The following ZFP90 variants were observed in gnomAD, a reference collection of about 807,000 sequenced individuals.
The protein encoded by ZFP90 is zinc finger protein 90 homolog.
Under a neutral mutation model 60.8 loss-of-function variants are expected in ZFP90, and 38 were observed. The observed-to-expected ratio is 0.62, with a 90% CI of 0.48 to 0.82. ZFP90 has a LOEUF of 0.82. Among genes scored for constraint, ZFP90 ranks in the 40% least tolerant of loss-of-function variants. The probability of loss-of-function intolerance (pLI) is 0.00; values close to 1 mark genes in which losing one functional copy is unlikely to be tolerated. For missense variants in ZFP90, 711 were observed against 759.1 expected (o/e 0.94, Z 0.74); for synonymous variants, 287 against 264.8 (o/e 1.08, Z -0.82).
At chr16:68,538,792 G>T (rs1027049879), upstream of ZFP90, among the ~76,000 whole-genome samples, 1 of 151,994 alleles carries the variant, frequency 6.6e-6, no homozygotes, top group Non-Finnish European at 1.5e-5. Context: ...GAAATAACAC[G>T]GCAGTAGATC....
intron 2 of ZFP90, among the ~76,000 whole-genome samples, chr16:68,540,219 T>A (rs565553792): frequency 2.0e-5 from 3 of 152,258 alleles, no homozygotes; most frequent in East Asian, 3.9e-4. Flanking sequence ...CCCCAGCTTC[T>A]GACCCAGGGC....
At chr16:68,538,444 C>T (rs1749791), upstream of ZFP90, among the ~76,000 whole-genome samples, 116,605 of 152,144 alleles carry the variant, frequency 0.77, 44,779 homozygotes, top group East Asian at 0.82. Context: ...TCCATCGGGC[C>T]GGGCGCGGTT....
At chr16:68,533,508 GA>G (rs1477006731) in intron 1 of ZFP90, among the ~76,000 whole-genome samples, 2 of 152,072 alleles carry the variant, frequency 1.3e-5, no homozygotes, top group Non-Finnish European at 2.9e-5. Context: ...GTCTATATAT[GA>G]CTGCATGTGG....
chr16:68,539,114 C>T (rs1286858724), upstream of ZFP90: 1 of 152,268 alleles, frequency 6.6e-6, no homozygotes, highest in African/African-American at 2.4e-5. Context: ...GACTGGAATA[C>T]AGGGACACGC....
chr16:68,569,702 A>G (rs972542852), downstream of ZFP90, among the ~76,000 whole-genome samples: 5 of 152,088 alleles, frequency 3.3e-5, no homozygotes, highest in African/African-American at 1.2e-4. Context: ...GGAGTTCGAG[A>G]CCAGTCTGGG....
intron 2 of ZFP90, among the ~76,000 whole-genome samples, chr16:68,544,590 G>C (rs2091111629): frequency 1.3e-5 from 2 of 152,166 alleles, no homozygotes; most frequent in African/African-American, 2.4e-5. Context: ...GCTCTGGTTA[G>C]ATCATCAGGG....
Position 68,564,505 on chromosome 16 carries a change from G to T in ZFP90, c.1718G>T (p.Arg573Ile). The T allele has an allele frequency of 6.2e-7, 1 of 1,614,100 alleles. No homozygotes were observed. The highest frequency in any genetic ancestry group is 8.5e-7 in the Non-Finnish European group (1 of 1,179,966). ...SQSSSLIQHE[R>I]THTGEKPYEC... ...AGTTCATCTCTCATTCAGCATGAGA[G>T]AACTCATACTGGAGAGAAGCCCTAT... Residue 573 changes from arginine to isoleucine, a missense_variant, in exon 5 of 5, where the codon AGA (arginine) becomes ATA (isoleucine). Physicochemically the swap from Arg to Ile is moderately conservative, Grantham distance 97. Transcript: ENST00000563169.
At chr16:68,567,679 T>C (rs540930556), downstream of ZFP90, among the ~76,000 whole-genome samples, 8 of 152,332 alleles carry the variant, frequency 5.3e-5, no homozygotes, top group South Asian at 1.7e-3. Context: ...CTGGCTCAAT[T>C]TCTGAAGCTC....
At chr16:68,572,028 AACAC>A (rs1016831925), downstream of ZFP90, among the ~76,000 whole-genome samples, 1 of 152,174 alleles carries the variant, frequency 6.6e-6, no homozygotes, top group Non-Finnish European at 1.5e-5. Flanking sequence ...TTTTTTAACA[AACAC>A]TTTTTTTTTG....
At chr16:68,542,361 C>G (rs1479525548) in intron 2 of ZFP90, among the ~76,000 whole-genome samples, 1 of 152,068 alleles carries the variant, frequency 6.6e-6, no homozygotes, top group Non-Finnish European at 1.5e-5. Flanking sequence ...GAGGCGGAGG[C>G]AAGCGGATCA....
chr16:68,569,265 T>G (rs938152274), downstream of ZFP90, among the ~76,000 whole-genome samples: 1 of 151,764 alleles, frequency 6.6e-6, no homozygotes, highest in South Asian at 2.1e-4. Flanking sequence ...GCCTCCTGAG[T>G]AGCTGGGACT....
upstream of ZFP90, among the ~76,000 whole-genome samples, chr16:68,537,887 A>C (rs940205532): frequency 1.3e-5 from 2 of 150,402 alleles, no homozygotes; most frequent in African/African-American, 4.9e-5. Flanking sequence ...GGGACAAGCC[A>C]ACAGTGATGG....
At position 68,563,409 on chromosome 16, in the gene ZFP90, A is replaced by G; in HGVS notation, c.622A>G (p.Lys208Glu). ...TAATGAGAATAATATTCTTGCAAAAAAGAAACCCTATAAGTGTGATAAATG... is the reference window on the plus strand; with the variant it reads ...TAATGAGAATAATATTCTTGCAAAAGAGAAACCCTATAAGTGTGATAAATG... ...LLNENNILAKKKPYKCDKCRK... is the reference protein window; with the variant it reads ...LLNENNILAKEKPYKCDKCRK... The change falls in exon 5 of 5, where the codon AAG (lysine) becomes GAG (glutamate). Residue 208 changes from lysine to glutamate, a missense_variant. By Grantham distance (56) the Lys-to-Glu change is moderately conservative (BLOSUM62 1). Around this residue, in one of 5 missense-constraint regions of ZFP90, gnomAD observed 241 missense variants for 247.6 expected, o/e 0.97. Coordinates refer to ENST00000563169, the MANE Select transcript of ZFP90 (RefSeq NM_001305203.2). 12 of 1,612,314 alleles carry G rather than the reference A, an allele frequency of 7.4e-6. No individual in the cohort carries two copies. The highest frequency in any genetic ancestry group is 1.0e-5 in the Non-Finnish European group (12 of 1,179,648).
intron 2 of ZFP90, among the ~76,000 whole-genome samples, chr16:68,573,264 A>G (rs2091577158): frequency 6.6e-6 from 1 of 152,208 alleles, no homozygotes; most frequent in South Asian, 2.1e-4. Flanking sequence ...CCCAAGGGAA[A>G]CTAGGCTGCC....
At position 68,558,496 on chromosome 16, in the gene ZFP90, G is replaced by A. The variant is rs2091383351; in HGVS notation, c.184G>A (p.Val62Met). ...AGGATATCAAGTTTCCAAGCCAGAG[G>A]TGATCTTCAAATTGGAGCAAGGAGA... ...SLGYQVSKPE[V>M]IFKLEQGEEP... Residue 62 changes from valine (V) to methionine (M), a missense_variant, in exon 4 of 5, where the codon GTG becomes ATG. This residue lies in a region of ZFP90 where 241 missense variants were observed against 247.6 expected (regional missense o/e 0.97). Transcript: ENST00000563169. The A allele has an allele frequency of 3.1e-6, 5 of 1,614,038 alleles. No homozygotes were observed. In the East Asian group the frequency reaches 8.9e-5, roughly 29 times the overall value.
intron 2 of ZFP90, among the ~76,000 whole-genome samples, chr16:68,541,078 C>T (rs551357394): frequency 2.2e-4 from 34 of 151,712 alleles, no homozygotes; most frequent in East Asian, 9.7e-4. Flanking sequence ...TTCTGTCACC[C>T]AGGCTGAAGT....
At chr16:68,534,990 GGTT>G (rs2090950412), upstream of ZFP90, among the ~76,000 whole-genome samples, 2 of 152,084 alleles carry the variant, frequency 1.3e-5, no homozygotes, top group Non-Finnish European at 1.5e-5. Flanking sequence ...CTATATTTGA[GGTT>G]GTTATGAATA....
chr16:68,569,832 T>C (rs2091558328), downstream of ZFP90, among the ~76,000 whole-genome samples: 2 of 152,180 alleles, frequency 1.3e-5, no homozygotes, highest in Non-Finnish European at 2.9e-5. Flanking sequence ...TCTCTGTGCA[T>C]CTTATTCTTG....
At chr16:68,547,191 T>C (rs960329304) in intron 2 of ZFP90, among the ~76,000 whole-genome samples, 1 of 152,226 alleles carries the variant, frequency 6.6e-6, no homozygotes, top group African/African-American at 2.4e-5. Context: ...CCATACTGTT[T>C]CCATAGCAGC....
Sources: gnomAD v4.1 joint callset for allele counts (sites outside exome capture counted in the v4.1 genomes callset) on GRCh38, gnomAD v4.1.1 for gene constraint, gnomAD v4.1.1 regional missense constraint, MANE v1.5 for transcripts, NCBI Gene and HGNC (gene_info 2026-07-23, HGNC 2026-07-21) for gene names.